DPYD: variants seen among roughly 807,000 people sequenced by gnomAD.
The protein encoded by DPYD is dihydropyrimidine dehydrogenase [NADP(+)].
Under a neutral mutation model 116.2 loss-of-function variants are expected in DPYD, and 109 were observed. That is an observed-to-expected ratio of 0.94 (90% confidence interval 0.80 to 1.10). The LOEUF is 1.10. Ranked by LOEUF, DPYD falls within the 50% of genes least tolerant of loss-of-function variation. DPYD has a pLI of 0.00. For missense variants in DPYD, 1,302 were observed against 1,254.5 expected, an observed-to-expected ratio of 1.04 and a Z score of -0.57; for synonymous variants, 440 against 432.0, an observed-to-expected ratio of 1.02 and a Z score of -0.23.
chr1:97,262,125 A>C (rs995193471), intron 18 of DPYD, among the ~76,000 whole-genome samples: 28 of 152,122 alleles, frequency 1.8e-4, no homozygotes, highest in African/African-American at 5.3e-4. Context: ...CATCTTGAAT[A>C]ATAGCAATAC....
intron 13 of DPYD, among the ~76,000 whole-genome samples, chr1:97,492,122 A>T (rs545921430): frequency 1.3e-5 from 2 of 152,284 alleles, no homozygotes; most frequent in East Asian, 3.9e-4. Context: ...ATTACAAAAT[A>T]TAGTGCAAAT....
At chr1:97,674,469 T>C (rs967035538) in intron 8 of DPYD, among the ~76,000 whole-genome samples, 4 of 152,206 alleles carry the variant, frequency 2.6e-5, no homozygotes, top group African/African-American at 9.6e-5. Context: ...TTCCCTTGCA[T>C]GCTTGTTTAA....
At chr1:97,642,818 A>G (rs1658011943) in intron 8 of DPYD, among the ~76,000 whole-genome samples, 1 of 151,554 alleles carries the variant, frequency 6.6e-6, no homozygotes, top group South Asian at 2.1e-4. Flanking sequence ...CCAGCATGGC[A>G]CATGTATACA....
At chr1:97,673,095 C>A (rs1425033637) in intron 8 of DPYD, among the ~76,000 whole-genome samples, 2 of 151,972 alleles carry the variant, frequency 1.3e-5, no homozygotes, top group Admixed American at 1.3e-4. Flanking sequence ...TGGATATTTG[C>A]ACTTGTTATT....
intron 11 of DPYD, among the ~76,000 whole-genome samples, chr1:97,553,517 G>A (rs965453313): frequency 6.6e-6 from 1 of 151,968 alleles, no homozygotes; most frequent in African/African-American, 2.4e-5. Context: ...AAACTCAGAA[G>A]CAAATCTTCT....
Position 97,892,892 on chromosome 1 carries a change from T to C in DPYD, c.40-9518A>G, listed in dbSNP as rs145298159. 5.3e-5 allele frequency among the ~76,000 whole-genome samples: 8 copies of C among 151,912 alleles called. No homozygotes were observed. In the East Asian group the frequency reaches 1.4e-3, roughly 26 times the overall value. On this transcript the variant is annotated intron_variant, in intron 1 of 22. Coordinates refer to ENST00000370192, the MANE Select transcript of DPYD (RefSeq NM_000110.4). Reference sequence around the variant, plus strand: ...ATATGCATAGTGTTTGAGATTAAATTTGGGTTTCTATCTTAGCTCTACTAT... The same window carrying C: ...ATATGCATAGTGTTTGAGATTAAATCTGGGTTTCTATCTTAGCTCTACTAT...
chr1:97,659,714 AT>A (rs1659143983), intron 8 of DPYD, among the ~76,000 whole-genome samples: 1 of 152,140 alleles, frequency 6.6e-6, no homozygotes, highest in Non-Finnish European at 1.5e-5. Context: ...TTTACCTGAA[AT>A]TTTTAAAAGT....
intron 19 of DPYD, among the ~76,000 whole-genome samples, chr1:97,220,980 T>G (rs1471932207): frequency 6.6e-6 from 1 of 152,178 alleles, no homozygotes; most frequent in African/African-American, 2.4e-5. Flanking sequence ...TTCCCCCAAG[T>G]AGAGCCCAGG....
chr1:97,305,871 A>G (rs1279306528), intron 17 of DPYD, among the ~76,000 whole-genome samples: 1 of 151,834 alleles, frequency 6.6e-6, no homozygotes, highest in Non-Finnish European at 1.5e-5. Flanking sequence ...TTACATTATG[A>G]GGTCATTTAT....
At chr1:97,187,459 T>C (rs1658076650) in intron 20 of DPYD, among the ~76,000 whole-genome samples, 1 of 152,174 alleles carries the variant, frequency 6.6e-6, no homozygotes, top group African/African-American at 2.4e-5. Context: ...TTTGAGTTCT[T>C]TGTAAATTCT....
intron 18 of DPYD, among the ~76,000 whole-genome samples, chr1:97,257,435 GTATA>G (rs60425146): frequency 6.6e-5 from 9 of 136,128 alleles, no homozygotes; most frequent in South Asian, 2.6e-4. Context: ...ATATACATAC[GTATA>G]TATATATATA....
At chr1:97,385,416 G>C (rs1421491120) in intron 14 of DPYD, among the ~76,000 whole-genome samples, 1 of 145,536 alleles carries the variant, frequency 6.9e-6, no homozygotes, top group Non-Finnish European at 1.5e-5. Flanking sequence ...GGCAGAGACA[G>C]ATACAGAGAT....
intron 4 of DPYD, among the ~76,000 whole-genome samples, chr1:97,727,426 G>A (rs958998207): frequency 6.6e-6 from 1 of 151,836 alleles, no homozygotes; most frequent in East Asian, 1.9e-4. Context: ...GGCAAGCTGA[G>A]GGATTACTAT....
At chr1:97,175,092 G>T (rs981036681) in intron 20 of DPYD, among the ~76,000 whole-genome samples, 1 of 152,110 alleles carries the variant, frequency 6.6e-6, no homozygotes, top group Admixed American at 6.5e-5. Flanking sequence ...TAGAATTGTT[G>T]GGTCTTACAA....
intron 4 of DPYD, among the ~76,000 whole-genome samples, chr1:97,732,304 G>A (rs1196332100): frequency 1.3e-5 from 2 of 151,714 alleles, no homozygotes; most frequent in Admixed American, 1.3e-4. Flanking sequence ...GTGAAACCTC[G>A]TCTTTACTAA....
rs1025582609 is a variant in DPYD at position 97,485,546 on chromosome 1, T to G, written c.1740+30180A>C. ...ACTTCTCATTGTATTTTCCATGTCA[T>G]TTAATATTTTATTCATATTTTCTAT... On this transcript the variant is annotated intron_variant, in intron 13 of 22. Coordinates refer to ENST00000370192, the MANE Select transcript of DPYD (RefSeq NM_000110.4). 2.6e-5 allele frequency among the ~76,000 whole-genome samples: 4 copies of G among 152,188 alleles called. No homozygotes were observed. In the South Asian group the frequency reaches 8.3e-4, roughly 31 times the overall value.
At chr1:97,102,334 A>G (rs1650753683) in intron 20 of DPYD, among the ~76,000 whole-genome samples, 1 of 148,704 alleles carries the variant, frequency 6.7e-6, no homozygotes, top group Non-Finnish European at 1.5e-5. Context: ...TTTGATATCT[A>G]AATTGTAATA....
intron 8 of DPYD, among the ~76,000 whole-genome samples, chr1:97,642,978 A>T (rs1658024749): frequency 6.6e-6 from 1 of 152,096 alleles, no homozygotes; most frequent in Non-Finnish European, 1.5e-5. Flanking sequence ...AAAACCATAA[A>T]AACCCTAGAA....
At chr1:97,269,739 G>T (rs1466979756) in intron 18 of DPYD, among the ~76,000 whole-genome samples, 1 of 151,952 alleles carries the variant, frequency 6.6e-6, no homozygotes, top group Non-Finnish European at 1.5e-5. Context: ...AAAGTCACCA[G>T]CCCTATTGCA....
Sources: allele counts gnomAD v4.1 joint callset (sites outside exome capture counted in the v4.1 genomes callset), GRCh38; gene constraint gnomAD v4.1.1; transcripts MANE v1.5; gene names NCBI Gene and HGNC (gene_info 2026-07-23, HGNC 2026-07-21).